Variants in SNX16 observed in about 807,000 individuals in gnomAD.
SNX16 encodes the protein sorting nexin-16.
A neutral mutation model predicts 36.7 loss-of-function variants in SNX16; 35 were observed. That is an observed-to-expected ratio of 0.95 (90% confidence interval 0.73 to 1.27). The LOEUF (loss-of-function observed/expected upper bound fraction) is 1.27, where lower values mean the gene tolerates loss of function less well. Among genes scored for constraint, SNX16 ranks in the 50% most tolerant of loss-of-function variants. SNX16 has a pLI of 0.00. For missense variants in SNX16, 367 were observed against 393.6 expected, an observed-to-expected ratio of 0.93 and a Z score of 0.57; for synonymous variants, 134 against 132.0, an observed-to-expected ratio of 1.02 and a Z score of -0.10.
chr8:81,834,445 C>A (rs1811405431), intron 2 of SNX16, among the ~76,000 whole-genome samples: 1 of 152,232 alleles, frequency 6.6e-6, no homozygotes, highest in African/African-American at 2.4e-5. Context: ...CCCCCAAAGA[C>A]TTAACTCATT....
chr8:81,820,738 T>C (rs958983511), intron 4 of SNX16, among the ~76,000 whole-genome samples: 28 of 152,036 alleles, frequency 1.8e-4, no homozygotes, highest in African/African-American at 5.3e-4. Context: ...TTGTTACTTT[T>C]ATAAAATGTA....
At chr8:81,827,541 A>T (rs770229487) in intron 3 of SNX16, among the ~76,000 whole-genome samples, 10 of 152,214 alleles carry the variant, frequency 6.6e-5, no homozygotes, top group Admixed American at 1.3e-4. Flanking sequence ...AAGCTCAGGA[A>T]CAGTAAATAA....
intron 6 of SNX16, 59 bp from the exon 7 acceptor site, chr8:81,802,558 T>C: frequency 6.8e-7 from 1 of 1,473,230 alleles, no homozygotes; most frequent in Non-Finnish European, 9.3e-7. Context: ...ATATGTTTAA[T>C]GTTGTGAATA....
intron 7 of SNX16, 51 bp from the exon 8 acceptor site, chr8:81,801,644 G>A (rs1044872799): frequency 1.8e-6 from 2 of 1,095,084 alleles, no homozygotes; most frequent in South Asian, 1.5e-5. Context: ...CTGGATGCAT[G>A]CTATTATTTC....
intron 4 of SNX16, among the ~76,000 whole-genome samples, chr8:81,818,122 A>C (rs1017987758): frequency 1.3e-5 from 2 of 152,088 alleles, no homozygotes; most frequent in African/African-American, 2.4e-5. Context: ...CTTAAGAACA[A>C]CATATTTGAC....
At chr8:81,802,957 C>T in intron 6 of SNX16, 135 bp downstream of exon 6, 1 of 720,184 alleles carries the variant, frequency 1.4e-6, no homozygotes. Flanking sequence ...CATAATTTTC[C>T]CAATGAAGTA....
intron 2 of SNX16, among the ~76,000 whole-genome samples, chr8:81,834,085 GA>G (rs1811388034): frequency 1.3e-5 from 2 of 152,160 alleles, no homozygotes; most frequent in Admixed American, 1.3e-4. Flanking sequence ...ATTTACAAAA[GA>G]AAGAGGTTTA....
intron 5 of SNX16, chr8:81,808,628 T>C (rs1184203439): frequency 6.4e-6 from 6 of 934,644 alleles, no homozygotes; most frequent in Non-Finnish European, 1.0e-5. Context: ...GCAGAAGCTC[T>C]GGCCCCCATG....
intron 3 of SNX16, among the ~76,000 whole-genome samples, chr8:81,826,596 C>T (rs1376224311): frequency 6.6e-6 from 1 of 152,132 alleles, no homozygotes; most frequent in African/African-American, 2.4e-5. Context: ...TCTGATAAGC[C>T]CTGTGCATTC....
chr8:81,824,426 A>G (rs931256953), intron 3 of SNX16, among the ~76,000 whole-genome samples: 2 of 151,940 alleles, frequency 1.3e-5, no homozygotes, highest in Non-Finnish European at 2.9e-5. Context: ...TTTTCTCCCA[A>G]CTTGGCCTGA....
chr8:81,828,643 T>G (rs1417507518), intron 3 of SNX16, among the ~76,000 whole-genome samples: 1 of 152,232 alleles, frequency 6.6e-6, no homozygotes, highest in African/African-American at 2.4e-5. Flanking sequence ...CAGCTGTAAT[T>G]AAGGTTACTA....
rs1012018095 is a variant in SNX16 at position 81,805,930 on chromosome 8, GA to G, written c.682-2703del. Among the ~76,000 whole-genome samples the G allele has an allele frequency of 5.4e-5, 8 of 147,878 alleles. No homozygotes were observed. In the East Asian group the frequency reaches 8.0e-4, roughly 15 times the overall value. On this transcript the variant is annotated intron_variant, in intron 5 of 7. Transcript: ENST00000345957. Reference sequence around the variant, plus strand: ...AGCAAGACTCTTATCTCAAAAAAAAGAAAAAAAAATGTATTTTAAAATCTAT... The same window carrying G: ...AGCAAGACTCTTATCTCAAAAAAAAGAAAAAAAATGTATTTTAAAATCTAT...
intron 1 of SNX16, 160 bp downstream of exon 1, chr8:81,841,962 G>A (rs540828128): frequency 1.3e-5 from 2 of 152,182 alleles, no homozygotes; most frequent in Non-Finnish European, 2.9e-5. Context: ...GACGCACAGT[G>A]GGGTCGGCGG....
chr8:81,818,071 A>G (rs1810570840), intron 4 of SNX16, among the ~76,000 whole-genome samples: 1 of 151,868 alleles, frequency 6.6e-6, no homozygotes, highest in South Asian at 2.1e-4. Flanking sequence ...GATTCTCTTG[A>G]ATTTTGTTTA....
At chr8:81,814,437 T>C (rs776221000) in intron 5 of SNX16, among the ~76,000 whole-genome samples, 16 of 152,126 alleles carry the variant, frequency 1.1e-4, no homozygotes, top group Non-Finnish European at 1.9e-4. Context: ...GGCAAATGTG[T>C]AGAGAATGAG....
intron 5 of SNX16, among the ~76,000 whole-genome samples, chr8:81,805,831 G>C (rs1809910420): frequency 6.6e-6 from 1 of 152,134 alleles, no homozygotes; most frequent in African/African-American, 2.4e-5. Context: ...TGAGGCAGGA[G>C]AATGGCGTGA....
chr8:81,811,289 G>A (rs1018258248), intron 5 of SNX16, among the ~76,000 whole-genome samples: 1 of 152,122 alleles, frequency 6.6e-6, no homozygotes, highest in Non-Finnish European at 1.5e-5. Flanking sequence ...TATCTATGGG[G>A]CCTTGATAAG....
At chr8:81,802,003 G>A (rs939165097) in intron 7 of SNX16, among the ~76,000 whole-genome samples, 14 of 151,606 alleles carry the variant, frequency 9.2e-5, no homozygotes, top group African/African-American at 2.9e-4. Flanking sequence ...AGGTAAGAAG[G>A]GTGGTTTGCT....
chr8:81,826,709 C>T (rs1029266597), intron 3 of SNX16, among the ~76,000 whole-genome samples: 2 of 152,004 alleles, frequency 1.3e-5, no homozygotes, highest in Non-Finnish European at 2.9e-5. Flanking sequence ...AAAAATAAAA[C>T]AAAAAGAAAA....
Sources: allele counts gnomAD v4.1 joint callset (sites outside exome capture counted in the v4.1 genomes callset), GRCh38; gene constraint gnomAD v4.1.1; transcripts MANE v1.5; gene names NCBI Gene and HGNC (gene_info 2026-07-23, HGNC 2026-07-21).